The following PITPNC1 variants were observed in gnomAD, a reference collection of about 807,000 sequenced individuals.
The protein encoded by PITPNC1 is cytoplasmic phosphatidylinositol transfer protein 1.
A neutral mutation model predicts 44.7 loss-of-function variants in PITPNC1; 18 were observed. That is an observed-to-expected ratio of 0.40 (90% confidence interval 0.28 to 0.60). The LOEUF (loss-of-function observed/expected upper bound fraction) is 0.60, where lower values mean the gene tolerates loss of function less well. Among genes scored for constraint, PITPNC1 ranks in the 20% least tolerant of loss-of-function variants. PITPNC1 has a pLI of 0.39. For missense variants in PITPNC1, 290 were observed against 418.4 expected (o/e 0.69, Z 2.68); for synonymous variants, 141 against 149.6 (o/e 0.94, Z 0.42).
intron 2 of PITPNC1, among the ~76,000 whole-genome samples, chr17:67,537,296 T>C (rs2040543344): frequency 6.6e-6 from 1 of 152,224 alleles, no homozygotes; most frequent in Non-Finnish European, 1.5e-5. Context: ...ATAATATGAT[T>C]GTCTGATAGA....
intron 1 of PITPNC1, among the ~76,000 whole-genome samples, chr17:67,497,511 C>A (rs1377279227): frequency 6.8e-6 from 1 of 146,444 alleles, no homozygotes; most frequent in Non-Finnish European, 1.5e-5. Context: ...ACCTGTGTCT[C>A]CATAAACTTG....
At chr17:67,632,004 A>C in intron 5 of PITPNC1, 139 bp from the exon 6 acceptor site, 1 of 606,470 alleles carries the variant, frequency 1.6e-6, no homozygotes, top group South Asian at 2.1e-5. Flanking sequence ...ATTCTTGCGC[A>C]TTCTGAGGCT....
At chr17:67,522,659 C>CCTTTTTTTTTTTTTTTTTTTTTTT (rs1555661487) in intron 1 of PITPNC1, among the ~76,000 whole-genome samples, 1 of 117,228 alleles carries the variant, frequency 8.5e-6, no homozygotes, top group African/African-American at 4.4e-5. Context: ...CCATTTTAAT[C>CCTTTTTTTTTTTTTTTTTTTTTTT]TTTTTTTTTT....
chr17:67,602,846 C>T (rs1448125560), intron 5 of PITPNC1, among the ~76,000 whole-genome samples: 2 of 152,258 alleles, frequency 1.3e-5, no homozygotes, highest in Non-Finnish European at 2.9e-5. Flanking sequence ...AGGTGATCCT[C>T]CTACCTCAGT....
chr17:67,377,933 C>G lies in PITPNC1; in HGVS notation c.-222C>G. 2.4e-6 allele frequency: 1 copy of G among 409,898 alleles called. No homozygotes were observed. The allele number at this position is 409,898 out of a possible 1,614,324, so 25.4% of individuals were successfully genotyped here. On this transcript the variant is annotated 5_prime_UTR_variant, in exon 1 of 9. Transcript: ENST00000581322. ...CGCGTTCCGGGAGGACCGGCCTCGG[C>G]GAGGGAGGAGGCGGGGGAGCTGCGA...
At chr17:67,578,027 T>C in intron 4 of PITPNC1, 159 bp from the exon 5 acceptor site, 1 of 687,498 alleles carries the variant, frequency 1.5e-6, no homozygotes. Context: ...TAAAGGCGGC[T>C]TTCCTTTGTC....
At chr17:67,542,384 A>T (rs2040620846) in intron 2 of PITPNC1, among the ~76,000 whole-genome samples, 2 of 152,130 alleles carry the variant, frequency 1.3e-5, no homozygotes, top group African/African-American at 4.8e-5. Context: ...AATCATCACA[A>T]CGTAGAGCCA....
At chr17:67,470,236 G>A (rs2039498538) in intron 1 of PITPNC1, among the ~76,000 whole-genome samples, 2 of 152,252 alleles carry the variant, frequency 1.3e-5, no homozygotes, top group South Asian at 4.1e-4. Context: ...TTGTGATATA[G>A]CTAACATAGA....
chr17:67,415,324 G>A (rs1177733828), intron 1 of PITPNC1, among the ~76,000 whole-genome samples: 5 of 152,216 alleles, frequency 3.3e-5, no homozygotes, highest in African/African-American at 1.2e-4. Context: ...TTTCTCTTCT[G>A]CCCTTCTGTA....
chr17:67,469,571 C>T (rs2039483439), intron 1 of PITPNC1, among the ~76,000 whole-genome samples: 1 of 152,126 alleles, frequency 6.6e-6, no homozygotes, highest in African/African-American at 2.4e-5. Context: ...GACCAGCGGC[C>T]CCAGGCTCTT....
chr17:67,642,450 C>T (rs1306342650), intron 6 of PITPNC1, among the ~76,000 whole-genome samples: 1 of 152,114 alleles, frequency 6.6e-6, no homozygotes, highest in Non-Finnish European at 1.5e-5. Flanking sequence ...TCTTCTGCTA[C>T]CCCCTTTCAT....
At chr17:67,399,551 A>T (rs1273469889) in intron 1 of PITPNC1, among the ~76,000 whole-genome samples, 2 of 152,186 alleles carry the variant, frequency 1.3e-5, no homozygotes, top group Non-Finnish European at 2.9e-5. Flanking sequence ...TTTTTGTCTA[A>T]CATCATTTCC....
intron 1 of PITPNC1, among the ~76,000 whole-genome samples, chr17:67,504,134 G>A (rs2040071225): frequency 6.6e-6 from 1 of 152,110 alleles, no homozygotes; most frequent in African/African-American, 2.4e-5. Flanking sequence ...CCTCACTTCA[G>A]CATGTCAAAG....
chr17:67,575,874 C>CCTTTTT lies in PITPNC1; in HGVS notation c.295-2312_295-2311insCTTTTT, dbSNP rs777390217. 4.0e-3 allele frequency among the ~76,000 whole-genome samples: 74 copies of CCTTTTT among 18,512 alleles called. 2 individuals carry two copies. The highest frequency in any genetic ancestry group is 8.6e-3 in the African/African-American group (58 of 6,744). 12.1% of individuals were successfully genotyped at this position (18,512 alleles called of 152,430 possible). On this transcript the variant is annotated intron_variant, in intron 4 of 8. Coordinates refer to ENST00000581322, the MANE Select transcript of PITPNC1 (RefSeq NM_012417.4). ...TCTTTCTTTCCTTCCTTCTTTCTTT[C>CCTTTTT]TTTCCTTTTTTTTTTTTTTTGAGAC...
intron 1 of PITPNC1, among the ~76,000 whole-genome samples, chr17:67,384,428 CT>C (rs60147017): frequency 9.0e-4 from 128 of 142,734 alleles, no homozygotes; most frequent in Middle Eastern, 3.8e-3. Flanking sequence ...TCCTTGTTCT[CT>C]TTTTTTTTTT....
intron 8 of PITPNC1, among the ~76,000 whole-genome samples, chr17:67,678,618 G>A (rs546035520): frequency 6.6e-6 from 1 of 152,332 alleles, no homozygotes; most frequent in East Asian, 1.9e-4. Context: ...GGAAAACAGT[G>A]GCTCCTTCAT....
Position 67,694,952 on chromosome 17 carries a change from T to C in PITPNC1, c.*2064T>C, listed in dbSNP as rs180781492. 2.6e-5 allele frequency: 4 copies of C among 152,346 alleles called. No individual in the cohort carries two copies. Among genetic ancestry groups the C allele is most frequent in the Admixed American group, 2.0e-4 (3 of 15,314 alleles). 9.4% of individuals were successfully genotyped at this position (152,346 alleles called of 1,614,324 possible). ...ATGGGGTCATTATTTTCACATAGAA[T>C]GTATTTATTTTGTGCAGGCTGTTAA... On this transcript the variant is annotated 3_prime_UTR_variant, in exon 9 of 9. Coordinates refer to ENST00000581322, the MANE Select transcript of PITPNC1 (RefSeq NM_012417.4).
intron 1 of PITPNC1, among the ~76,000 whole-genome samples, chr17:67,513,371 ATATCTATATC>A (rs1279961474): frequency 7.1e-5 from 10 of 141,090 alleles, no homozygotes; most frequent in Non-Finnish European, 1.2e-4. Context: ...ATCTATATCT[ATATCTATATC>A]TATATCTATA....
chr17:67,662,232 T>TCAC (rs2042359645), intron 6 of PITPNC1, among the ~76,000 whole-genome samples: 1 of 151,844 alleles, frequency 6.6e-6, no homozygotes, highest in Non-Finnish European at 1.5e-5. Flanking sequence ...GGCAGGTGTA[T>TCAC]CACCTGAGGT....
Sources: allele counts gnomAD v4.1 joint callset (sites outside exome capture counted in the v4.1 genomes callset), GRCh38; gene constraint gnomAD v4.1.1; transcripts MANE v1.5; gene names NCBI Gene and HGNC (gene_info 2026-07-23, HGNC 2026-07-21).